The following OTUD7B variants were observed in gnomAD, a reference collection of about 807,000 sequenced individuals.
OTUD7B encodes the protein OTU deubiquitinase 7B, also known as OTU domain-containing protein 7B.
In OTUD7B, 34 loss-of-function variants were observed where a neutral mutation model predicts 82.2. The observed-to-expected ratio is 0.41, with a 90% CI of 0.31 to 0.55. OTUD7B has a LOEUF of 0.55. Among genes scored for constraint, OTUD7B ranks in the 20% least tolerant of loss-of-function variants. The pLI is 0.20. For missense variants in OTUD7B, 944 were observed against 1,062.1 expected, an observed-to-expected ratio of 0.89 and a Z score of 1.55; for synonymous variants, 398 against 402.7, an observed-to-expected ratio of 0.99 and a Z score of 0.14.
At chr1:149,979,104 G>A (rs1481140433) in intron 1 of OTUD7B, among the ~76,000 whole-genome samples, 5 of 151,276 alleles carry the variant, frequency 3.3e-5, no homozygotes, top group African/African-American at 1.2e-4. Flanking sequence ...ATGAGCGCAG[G>A]GACACGATTT....
chr1:149,955,622 C>G (rs1553774401), intron 7 of OTUD7B, among the ~76,000 whole-genome samples: 1 of 151,782 alleles, frequency 6.6e-6, no homozygotes, highest in African/African-American at 2.4e-5. Flanking sequence ...TCGTTGATCT[C>G]TCTAATGTTG....
chr1:150,064,618 C>T, the OTUD7B span, among the ~76,000 whole-genome samples: 1 of 152,222 alleles, frequency 6.6e-6, no homozygotes, highest in Admixed American at 6.5e-5. Flanking sequence ...ATCCTCCTGA[C>T]TTAGCCTCCC....
chr1:149,940,030 T>C lies in OTUD7B; in HGVS notation c.*3827A>G, dbSNP rs905790036. 1 of 152,094 alleles carries C rather than the reference T, an allele frequency of 6.6e-6. No homozygotes were observed. The highest frequency in any genetic ancestry group is 1.5e-5 in the Non-Finnish European group (1 of 68,014). 9.4% of individuals were successfully genotyped at this position (152,094 alleles called of 1,614,324 possible). A position where few individuals can be genotyped will look rare whatever the true frequency, so the allele number is the denominator to read the frequency against. ...AGACAATCATCTCTGAAATACTCTT[T>C]ATTGAGAAAAAAAAATGTGACTGGA... On this transcript the variant is annotated 3_prime_UTR_variant, in exon 12 of 12. Coordinates refer to ENST00000581312, the MANE Select transcript of OTUD7B (RefSeq NM_020205.4).
intron 1 of OTUD7B, among the ~76,000 whole-genome samples, chr1:149,981,568 A>C (rs368877174): frequency 1.6e-4 from 24 of 152,326 alleles, no homozygotes; most frequent in African/African-American, 5.5e-4. Flanking sequence ...ATTTCTTTAC[A>C]TAAACATTTG....
the OTUD7B span, among the ~76,000 whole-genome samples, chr1:150,049,464 T>G: frequency 3.9e-5 from 6 of 152,244 alleles, no homozygotes; most frequent in African/African-American, 1.4e-4. Context: ...ATGACTTGTA[T>G]ATTTTGTGCC....
chr1:149,950,912 C>G (rs1408059604), intron 7 of OTUD7B, among the ~76,000 whole-genome samples: 2 of 150,364 alleles, frequency 1.3e-5, no homozygotes, highest in Non-Finnish European at 3.0e-5. Flanking sequence ...CTGCCTCAGC[C>G]TCCCGAGTAG....
chr1:149,947,873 C>T (rs797027521), intron 10 of OTUD7B, among the ~76,000 whole-genome samples: 1 of 151,808 alleles, frequency 6.6e-6, no homozygotes, highest in Non-Finnish European at 1.5e-5. Flanking sequence ...GAAGGCTTAA[C>T]AAGCCACAGG....
At position 149,981,082 on chromosome 1, in the gene OTUD7B, G is replaced by GGAGGAGGAGGAA. The variant is rs781811841; in HGVS notation, c.-66-3518_-66-3507dup. Among the ~76,000 whole-genome samples, 80 of 150,354 alleles carry GGAGGAGGAGGAA rather than the reference G, an allele frequency of 5.3e-4. 1 individual carries two copies. The South Asian group carries it at 8.1e-3, about 15-fold the overall frequency. ...GTTTTTGGCTCTGTCTCAGGGAGGA[G>GGAGGAGGAGGAA]GAGGAGGAGGAAGAGGAGGAGGAAG... is the stretch of plus-strand genomic sequence containing the variant. On this transcript the variant is annotated intron_variant, in intron 1 of 11. Coordinates refer to ENST00000581312, the MANE Select transcript of OTUD7B (RefSeq NM_020205.4).
chr1:150,038,909 T>C, the OTUD7B span, among the ~76,000 whole-genome samples: 1 of 152,180 alleles, frequency 6.6e-6, no homozygotes, highest in Non-Finnish European at 1.5e-5. Context: ...AGGGAGGGAA[T>C]CTACCTTTAT....
chr1:149,949,768 A>C lies in OTUD7B; in HGVS notation c.984T>G (p.Pro328=). ...GCAGATAGATTCCTCCAAAGGGAAT[A>C]GGGGCAAATGCTGCAGGAAGCCATG... The part of the protein sequence containing the change: ...LRDSGGEAFA[P]IPFGGIYLPL... The change falls in exon 9 of 12, where the codon CCT becomes CCG. Residue 328 remains proline, a synonymous_variant. Coordinates refer to ENST00000581312, the MANE Select transcript of OTUD7B (RefSeq NM_020205.4). 5 of 1,614,064 alleles carry C rather than the reference A, an allele frequency of 3.1e-6. 1 individual carries two copies. The Middle Eastern group carries it at 6.6e-4, about 213-fold the overall frequency.
At chr1:150,037,639 G>A in the OTUD7B span, among the ~76,000 whole-genome samples, 1 of 151,994 alleles carries the variant, frequency 6.6e-6, no homozygotes, top group Admixed American at 6.6e-5. Flanking sequence ...TCCCAGGATG[G>A]AGTGCAGTGC....
chr1:149,976,858 T>C (rs1048614263), intron 2 of OTUD7B, among the ~76,000 whole-genome samples: 24 of 152,084 alleles, frequency 1.6e-4, no homozygotes, highest in African/African-American at 5.8e-4. Context: ...CAGTGGCTCA[T>C]GCCTGTAATC....
upstream of OTUD7B, among the ~76,000 whole-genome samples, chr1:150,011,876 G>C (rs1030712559): frequency 6.6e-6 from 1 of 152,248 alleles, no homozygotes; most frequent in African/African-American, 2.4e-5. Flanking sequence ...AAGGGGAGGC[G>C]TGGGGCATAG....
rs1648071191 is a variant in OTUD7B at position 149,950,087 on chromosome 1, G to C, written c.973+7C>G. On this transcript the variant is annotated splice_region_variant and intron_variant, in intron 8 of 11. Transcript: ENST00000581312. Reference sequence around the variant, plus strand: ...AGCATGGAGTGAGGACTGACTGGCTGACTCACCTTCCCCTCCGGAGTCCCT... The same window carrying C: ...AGCATGGAGTGAGGACTGACTGGCTCACTCACCTTCCCCTCCGGAGTCCCT... 6.2e-7 allele frequency: 1 copy of C among 1,613,674 alleles called. No individual in the cohort carries two copies. The highest frequency in any genetic ancestry group is 1.7e-5 in the Admixed American group (1 of 60,026).
chr1:150,047,188 C>A, the OTUD7B span, among the ~76,000 whole-genome samples: 1 of 152,206 alleles, frequency 6.6e-6, no homozygotes, highest in African/African-American at 2.4e-5. Context: ...TTATGAACAG[C>A]CCACTCCCAC....
chr1:150,063,399 A>G, the OTUD7B span, among the ~76,000 whole-genome samples: 1 of 152,202 alleles, frequency 6.6e-6, no homozygotes, highest in African/African-American at 2.4e-5. Flanking sequence ...GCAGTGAACC[A>G]AGATGGCACC....
At chr1:149,980,573 T>C (rs1650646978) in intron 1 of OTUD7B, among the ~76,000 whole-genome samples, 1 of 151,654 alleles carries the variant, frequency 6.6e-6, no homozygotes, top group African/African-American at 2.4e-5. Flanking sequence ...ATACAAAAAT[T>C]TGCTGGGTGT....
chr1:150,013,995 T>TATACACACACAC (rs1461049513), upstream of OTUD7B, among the ~76,000 whole-genome samples: 1 of 127,084 alleles, frequency 7.9e-6, no homozygotes, highest in Non-Finnish European at 1.7e-5. Context: ...CACACATATA[T>TATACACACACAC]ACACACATAT....
At chr1:149,991,041 G>T (rs1472280522) in intron 1 of OTUD7B, among the ~76,000 whole-genome samples, 2 of 152,102 alleles carry the variant, frequency 1.3e-5, no homozygotes, top group Non-Finnish European at 2.9e-5. Flanking sequence ...TAGCACAGAG[G>T]TTGGGCCTAT....
Sources: allele counts gnomAD v4.1 joint callset (sites outside exome capture counted in the v4.1 genomes callset), GRCh38; gene constraint gnomAD v4.1.1; transcripts MANE v1.5; gene names NCBI Gene and HGNC (gene_info 2026-07-23, HGNC 2026-07-21).